Variants in ADGRG4 observed in about 807,000 individuals in gnomAD.
ADGRG4 encodes the protein G protein-coupled receptor 112.
Under a neutral mutation model 126.2 loss-of-function variants are expected in ADGRG4, and 122 were observed. The observed-to-expected ratio is 0.97, with a 90% confidence interval of 0.83 to 1.12. ADGRG4 has a LOEUF of 1.12. ADGRG4 is among the 50% of genes most tolerant of loss of function. The pLI, the probability that ADGRG4 is intolerant of heterozygous loss-of-function variation, is 0.00. For missense variants in ADGRG4, 2,481 were observed against 2,251.8 expected (o/e 1.10, Z -2.06); for synonymous variants, 943 against 838.7 (o/e 1.12, Z -2.15).
chrX:136,363,677 G>A (rs1315235877), intron 13 of ADGRG4, 82 bp downstream of exon 13: 3 of 616,806 alleles, frequency 4.9e-6, no homozygotes, highest in Middle Eastern at 4.8e-4. Flanking sequence ...AGAGAGTATA[G>A]GCAAACCCCA....
At chrX:136,403,900 C>T (rs1158008662) in intron 22 of ADGRG4, among the ~76,000 whole-genome samples, 2 of 111,629 alleles carry the variant, frequency 1.8e-5, no homozygotes, top group Admixed American at 9.5e-5. Flanking sequence ...ACCACAATCA[C>T]GCGAGAGTAG....
rs781588407 is a variant in ADGRG4, at chrX:136,331,818, A to AT, written c.685+8442dup. Among the ~76,000 whole-genome samples the AT allele has an allele frequency of 3.2e-3, 309 of 96,545 alleles. 1 individual carries two copies. Among genetic ancestry groups the AT allele is most frequent in the East Asian group, 0.015 (46 of 3,171 alleles). 83.8% of individuals were successfully genotyped at this position (96,545 alleles called of 115,157 possible). A position where few individuals can be genotyped will look rare whatever the true frequency, so the allele number is the denominator to read the frequency against. On this transcript the variant is annotated intron_variant, in intron 5 of 25. Transcript: ENST00000394143. ...TTTGAAAGTAAAAAAATATATTCTA[A>AT]TTTTTTTTTTTTTTTTGAGGCGGAG...
intron 1 of ADGRG4, among the ~76,000 whole-genome samples, chrX:136,301,507 A>G (rs963119601): frequency 1.8e-5 from 2 of 111,778 alleles, no homozygotes; most frequent in Non-Finnish European, 3.8e-5. Context: ...AGATGGGTAG[A>G]TTGTAAAAAT....
At chrX:136,332,609 T>G (rs1299360996) in intron 5 of ADGRG4, among the ~76,000 whole-genome samples, 3 of 111,107 alleles carry the variant, frequency 2.7e-5, no homozygotes, top group Non-Finnish European at 5.7e-5. Flanking sequence ...TGCACTAGTT[T>G]ACAGTCCCAC....
chrX:136,366,841 A>T (rs181662594), intron 13 of ADGRG4, among the ~76,000 whole-genome samples: 1 of 110,665 alleles, frequency 9.0e-6, no homozygotes, highest in East Asian at 2.8e-4. Context: ...TCCTTTGGTG[A>T]GGTGTATTCT....
At chrX:136,400,687 G>C (rs759226842) in intron 21 of ADGRG4, among the ~76,000 whole-genome samples, 14 of 111,816 alleles carry the variant, frequency 1.3e-4, no homozygotes, top group Non-Finnish European at 1.9e-4. Context: ...ATTGTTTAAA[G>C]AACAGGAAAA....
At chrX:136,328,876 A>G (rs1008225753) in intron 5 of ADGRG4, among the ~76,000 whole-genome samples, 2 of 111,269 alleles carry the variant, frequency 1.8e-5, no homozygotes, top group Non-Finnish European at 3.8e-5. Context: ...CTCATCACGA[A>G]AAGTAAGCAT....
At chrX:136,313,176 G>A (rs1351764952) in intron 4 of ADGRG4, among the ~76,000 whole-genome samples, 4 of 112,289 alleles carry the variant, frequency 3.6e-5, no homozygotes, top group Non-Finnish European at 3.8e-5. Flanking sequence ...ATACCTAGGA[G>A]TGCAATGGCA....
intron 15 of ADGRG4, 21 bp downstream of exon 15, chrX:136,373,085 T>C: frequency 2.6e-6 from 3 of 1,166,409 alleles, no homozygotes; most frequent in South Asian, 2.0e-5. Flanking sequence ...CTCAGGGAAC[T>C]GAGAGCCAAT....
intron 22 of ADGRG4, among the ~76,000 whole-genome samples, chrX:136,405,134 A>G (rs1459169451): frequency 8.9e-6 from 1 of 112,281 alleles, no homozygotes; most frequent in African/African-American, 3.2e-5. Flanking sequence ...TCATATTTTA[A>G]AGCAGTACAC....
intron 13 of ADGRG4, among the ~76,000 whole-genome samples, chrX:136,367,616 T>A (rs1031161696): frequency 1.8e-5 from 2 of 112,526 alleles, no homozygotes; most frequent in South Asian, 3.7e-4. Context: ...GGATGATGAT[T>A]GTAATGTATA....
chrX:136,415,802 C>CCAATGTGTA (rs930210394), intron 25 of ADGRG4, among the ~76,000 whole-genome samples: 4 of 111,847 alleles, frequency 3.6e-5, no homozygotes, highest in African/African-American at 9.8e-5. Context: ...AATATACAGC[C>CCAATGTGTA]CAATGTGTAC....
Position 136,361,605 on chromosome X carries a change from T to A in ADGRG4, c.7277+18T>A. 1 of 1,121,861 alleles carries A rather than the reference T, an allele frequency of 8.9e-7. No homozygotes were observed. The highest frequency in any genetic ancestry group is 1.2e-6 in the Non-Finnish European group (1 of 838,696). The allele number at this position is 1,121,861 out of a possible 1,213,427, so 92.5% of individuals were successfully genotyped here. Reference sequence around the variant, plus strand: ...AGATTCTGGTATGTACAGGCCAAGTTCTAATTGCTGATTCAGATATACAAA... The same window carrying A: ...AGATTCTGGTATGTACAGGCCAAGTACTAATTGCTGATTCAGATATACAAA... On this transcript the variant is annotated intron_variant, in intron 12 of 25. Coordinates refer to ENST00000394143, the MANE Select transcript of ADGRG4 (RefSeq NM_153834.4).
chrX:136,341,727 A>G (rs773747921), intron 5 of ADGRG4, among the ~76,000 whole-genome samples: 4 of 112,028 alleles, frequency 3.6e-5, no homozygotes, highest in Non-Finnish European at 7.5e-5. Flanking sequence ...GTGTACTTTT[A>G]TCAACTCATC....
intron 13 of ADGRG4, among the ~76,000 whole-genome samples, chrX:136,364,931 G>T (rs2075149758): frequency 9.0e-6 from 1 of 111,343 alleles, no homozygotes; most frequent in Non-Finnish European, 1.9e-5. Context: ...AGAATTTCTG[G>T]GTCAATCATA....
At chrX:136,310,209 G>A (rs780839751) in intron 4 of ADGRG4, among the ~76,000 whole-genome samples, 40 of 110,301 alleles carry the variant, frequency 3.6e-4, no homozygotes, top group African/African-American at 1.1e-3. Flanking sequence ...GTGCAGTGAC[G>A]CAATCTTGGC....
intron 19 of ADGRG4, 105 bp downstream of exon 19, chrX:136,395,598 A>T: frequency 2.4e-6 from 1 of 417,800 alleles, no homozygotes; most frequent in African/African-American, 2.5e-5. Context: ...TTTGGAAAAA[A>T]ATCCCCCTTC....
chrX:136,387,435 G>A (rs948036813), intron 15 of ADGRG4, among the ~76,000 whole-genome samples: 1 of 111,923 alleles, frequency 8.9e-6, no homozygotes, highest in Non-Finnish European at 1.9e-5. Flanking sequence ...GACCTAATTT[G>A]TCATTTCCCT....
chrX:136,340,796 C>T (rs777357293), intron 5 of ADGRG4, among the ~76,000 whole-genome samples: 1 of 111,660 alleles, frequency 9.0e-6, no homozygotes, highest in Admixed American at 9.5e-5. Context: ...CTCTGGGCCT[C>T]ATCTGTAAAT....
Sources: gnomAD v4.1 joint callset for allele counts (sites outside exome capture counted in the v4.1 genomes callset) on GRCh38, gnomAD v4.1.1 for gene constraint, MANE v1.5 for transcripts, NCBI Gene and HGNC (gene_info 2026-07-23, HGNC 2026-07-21) for gene names.